The following ANKRD34B variants were observed in gnomAD, a reference collection of about 807,000 sequenced individuals.
ANKRD34B encodes the protein ankyrin repeat domain-containing protein 34B.
ANKRD34B carries 2 observed loss-of-function variants against 4.4 expected under a neutral mutation model. That is an observed-to-expected ratio of 0.46 (90% confidence interval 0.19 to 1.44). ANKRD34B has a LOEUF of 1.44. Among genes scored for constraint, ANKRD34B ranks in the 40% most tolerant of loss-of-function variants. ANKRD34B has a pLI of 0.26. For synonymous variants in ANKRD34B, 226 were observed against 227.1 expected (o/e 0.99, Z 0.05); for missense variants, 558 against 604.7 (o/e 0.92, Z 0.81).
chr5:80,569,718 C>T (rs1239838378), intron 1 of ANKRD34B, among the ~76,000 whole-genome samples: 1 of 152,182 alleles, frequency 6.6e-6, no homozygotes, highest in Non-Finnish European at 1.5e-5. Context: ...TCCTCCTCGA[C>T]ACCCCGCGGC....
At chr5:80,567,492 G>A (rs1024652077) in intron 2 of ANKRD34B, among the ~76,000 whole-genome samples, 5 of 150,774 alleles carry the variant, frequency 3.3e-5, no homozygotes, top group Admixed American at 2.6e-4. Context: ...ATTGTGGCGG[G>A]TGCCTGTAAT....
rs377382681 is a variant in ANKRD34B, at chr5:80,558,750, G to T, written c.1270C>A (p.His424Asn). The change falls in exon 5 of 5, where the codon CAT becomes AAT. Residue 424 changes from histidine to asparagine, a missense_variant. Coordinates refer to ENST00000338682, the MANE Select transcript of ANKRD34B (RefSeq NM_001004441.3). ...IPPGPLSRRNHAVLERRGSGA... is the reference protein window; with the variant it reads ...IPPGPLSRRNNAVLERRGSGA... ...GAACCTCGCCTTTCTAAAACTGCAT[G>T]ATTTCTCCTGCTCAGGGGACCTGGG... is the stretch of plus-strand genomic sequence containing the variant. The T allele has an allele frequency of 6.2e-7, 1 of 1,614,054 alleles. No individual in the cohort carries two copies. Among genetic ancestry groups the T allele is most frequent in the African/African-American group, 1.3e-5 (1 of 74,916 alleles).
chr5:80,567,379 G>A (rs1178270309), intron 2 of ANKRD34B, among the ~76,000 whole-genome samples: 1 of 151,746 alleles, frequency 6.6e-6, no homozygotes, highest in African/African-American at 2.4e-5. Flanking sequence ...CAGCACTTTG[G>A]GAGGCCGAGG....
chr5:80,559,561 T>C lies in ANKRD34B; in HGVS notation c.459A>G (p.Thr153=). The C allele has an allele frequency of 6.2e-7, 1 of 1,614,218 alleles. No homozygotes were observed. The highest frequency in any genetic ancestry group is 1.1e-5 in the South Asian group (1 of 91,086). Residue 153 remains threonine (T), a synonymous_variant, in exon 5 of 5, where the codon ACA becomes ACG. Coordinates refer to ENST00000338682, the MANE Select transcript of ANKRD34B (RefSeq NM_001004441.3). Reference sequence around the variant, plus strand: ...TATGCTTCCCACAGGGCAACTTTGCTGTTGTGATGATGATGACCTCTTTCC... The same window carrying C: ...TATGCTTCCCACAGGGCAACTTTGCCGTTGTGATGATGATGACCTCTTTCC... ...AKGKEVIIIT[T]AKLPCGKHTT...
intron 4 of ANKRD34B, among the ~76,000 whole-genome samples, chr5:80,561,132 T>C (rs895420078): frequency 3.3e-5 from 5 of 152,328 alleles, no homozygotes; most frequent in Middle Eastern, 3.4e-3. Flanking sequence ...ATTTTTGTTA[T>C]TGAAACTAAA....
At position 80,559,182 on chromosome 5, in the gene ANKRD34B, T is replaced by C. The variant is rs1561392169; in HGVS notation, c.838A>G (p.Lys280Glu). Residue 280 changes from lysine (K) to glutamate (E), a missense_variant, in exon 5 of 5, where the codon AAA (lysine) becomes GAA (glutamate). Physicochemically the swap from Lys to Glu is moderately conservative, Grantham distance 56. Transcript: ENST00000338682. ...TTGGAAAGTGCCAGCCCATTGGTTT[T>C]ATAGGATAGTTCTTCCTCTGGTGTA... ...DITPEEELSY[K>E]TNGLALSKRF... The C allele has an allele frequency of 6.2e-7, 1 of 1,614,238 alleles. No individual in the cohort carries two copies. The highest frequency in any genetic ancestry group is 1.7e-5 in the Admixed American group (1 of 60,030).
intron 2 of ANKRD34B, 35 bp downstream of exon 2, chr5:80,568,925 C>CACACACACACACAGAGAGAGAGAGAGAG: frequency 6.6e-4 from 33 of 49,850 alleles, no homozygotes; most frequent in Non-Finnish European, 1.0e-3. Context: ...CACACACACA[C>CACACACACACACAGAGAGAGAGAGAGAG]AGAGAGAGAG....
chr5:80,567,552 C>T (rs1333136414), intron 2 of ANKRD34B, among the ~76,000 whole-genome samples: 7 of 140,872 alleles, frequency 5.0e-5, no homozygotes, highest in African/African-American at 1.9e-4. Context: ...ACTCGGGAGG[C>T]GGAGGTTGCA....
intron 2 of ANKRD34B, among the ~76,000 whole-genome samples, chr5:80,568,758 C>G (rs1580483103): frequency 6.6e-6 from 1 of 152,114 alleles, no homozygotes; most frequent in East Asian, 1.9e-4. Flanking sequence ...AGACGCGTAG[C>G]TGGTAAGGTT....
At chr5:80,564,115 T>A (rs1746489864) in intron 3 of ANKRD34B, among the ~76,000 whole-genome samples, 1 of 152,232 alleles carries the variant, frequency 6.6e-6, no homozygotes, top group African/African-American at 2.4e-5. Context: ...ATCTTGTTTT[T>A]AGTTTTTAAA....
In ANKRD34B at chr5:80,568,952, A is replaced by AGAGAGAGAGAGAGAGAGAGAGC. The variant is rs1355456075; in HGVS notation, c.-191+7_-191+8insGCTCTCTCTCTCTCTCTCTCTC. 1 of 148,980 alleles carries AGAGAGAGAGAGAGAGAGAGAGC rather than the reference A, an allele frequency of 6.7e-6. No homozygotes were observed. The highest frequency in any genetic ancestry group is 2.5e-5 in the African/African-American group (1 of 40,242). 9.2% of individuals were successfully genotyped at this position (148,980 alleles called of 1,614,324 possible). ...GAGAGAGAGAGAGAGAGAGAGAGAG[A>AGAGAGAGAGAGAGAGAGAGAGC]GGCCAACCTAGTCCTCCAAGTCTCA... is the stretch of plus-strand genomic sequence containing the variant. On this transcript the variant is annotated splice_region_variant and intron_variant, in intron 2 of 4. Coordinates refer to ENST00000338682, the MANE Select transcript of ANKRD34B (RefSeq NM_001004441.3).
chr5:80,560,038 A>C lies in ANKRD34B; in HGVS notation c.-19T>G, dbSNP rs1352940537. On this transcript the variant is annotated 5_prime_UTR_variant, in exon 5 of 5. The change creates a new upstream start codon in the 5' untranslated region. Coordinates refer to ENST00000338682, the MANE Select transcript of ANKRD34B (RefSeq NM_001004441.3). ...CATCCATCTTCGGAGGTTAGAACTC[A>C]ATACCTGGTTATCAAAGATGGCAAA... is the stretch of plus-strand genomic sequence containing the variant. 6.6e-7 allele frequency: 1 copy of C among 1,521,240 alleles called. No individual in the cohort carries two copies. Among genetic ancestry groups the C allele is most frequent in the Middle Eastern group, 1.8e-4 (1 of 5,670 alleles). 94.2% of individuals were successfully genotyped at this position (1,521,240 alleles called of 1,614,324 possible).
chr5:80,559,261 TGGG>T lies in ANKRD34B; in HGVS notation c.756_758del (p.Pro253del). 4 of 1,614,144 alleles carry T rather than the reference TGGG, an allele frequency of 2.5e-6. No individual in the cohort carries two copies. Among genetic ancestry groups the T allele is most frequent in the Non-Finnish European group, 3.4e-6 (4 of 1,180,024 alleles). ...CCACTCTGTTCTGGTGCATTAATAA[TGGG>T]GGACTCTTGACCCAGGGTGGAGCGT... On this transcript the variant is annotated inframe_deletion, in exon 5 of 5. Coordinates refer to ENST00000338682, the MANE Select transcript of ANKRD34B (RefSeq NM_001004441.3).
intron 1 of ANKRD34B, among the ~76,000 whole-genome samples, chr5:80,569,684 G>A (rs540605167): frequency 6.6e-6 from 1 of 152,110 alleles, no homozygotes; most frequent in East Asian, 1.9e-4. Flanking sequence ...GCCGACCTTC[G>A]CCCATCAGGC....
intron 3 of ANKRD34B, among the ~76,000 whole-genome samples, chr5:80,565,124 C>T (rs576310803): frequency 1.3e-5 from 2 of 152,346 alleles, no homozygotes; most frequent in Admixed American, 1.3e-4. Flanking sequence ...TGTTCAGGTT[C>T]TTTCTGTAAT....
chr5:80,559,912 A>G lies in ANKRD34B; in HGVS notation c.108T>C (p.Ile36=). 4 of 1,614,214 alleles carry G rather than the reference A, an allele frequency of 2.5e-6. No individual in the cohort carries two copies. Among genetic ancestry groups the G allele is most frequent in the Non-Finnish European group, 3.4e-6 (4 of 1,180,034 alleles). The part of the protein sequence containing the change: ...TRLLLEGGAY[I]NESNDRGETP... ...TTTCCCCACGGTCGTTGCTCTCATT[A>G]ATGTAGGCACCGCCTTCTAGCAAAA... Residue 36 remains isoleucine (I), a synonymous_variant, in exon 5 of 5, where the codon ATT becomes ATC. Transcript: ENST00000338682.
rs1746336615 is a variant in ANKRD34B, at chr5:80,559,046, T to A, written c.974A>T (p.Gln325Leu). ...CTGATTTCCTTCTGAAAGATAAGAT[T>A]GACAATTTATTTCATCATATGACAT... ...RKMSYDEINC[Q>L]SYLSEGNQQC... Residue 325 changes from glutamine to leucine, a missense_variant, in exon 5 of 5, where the codon CAA (glutamine) becomes CTA (leucine). Physicochemically the swap from Gln to Leu is moderately radical, Grantham distance 113. Transcript: ENST00000338682. The A allele has an allele frequency of 1.2e-6, 2 of 1,614,080 alleles. No homozygotes were observed. The highest frequency in any genetic ancestry group is 1.7e-6 in the Non-Finnish European group (2 of 1,180,044).
intron 3 of ANKRD34B, 31 bp downstream of exon 3, chr5:80,566,658 A>C (rs908661161): frequency 1.3e-5 from 2 of 152,644 alleles, no homozygotes; most frequent in Non-Finnish European, 2.9e-5. Context: ...ACCCTTCCAG[A>C]CACCCACTCT....
intron 4 of ANKRD34B, among the ~76,000 whole-genome samples, chr5:80,561,475 G>A (rs1746403787): frequency 6.6e-6 from 1 of 152,144 alleles, no homozygotes; most frequent in African/African-American, 2.4e-5. Context: ...AGAGCAGAAA[G>A]AAAGGGAAGA....
Sources: allele counts gnomAD v4.1 joint callset (sites outside exome capture counted in the v4.1 genomes callset), GRCh38; gene constraint gnomAD v4.1.1; transcripts MANE v1.5; gene names NCBI Gene and HGNC (gene_info 2026-07-23, HGNC 2026-07-21).